Variants in DPP10 observed in about 807,000 individuals in gnomAD.
DPP10 encodes the protein dipeptidyl peptidase like 10.
A neutral mutation model predicts 120.9 loss-of-function variants in DPP10; 33 were observed. The ratio of observed to expected loss-of-function variants is 0.27; its 90% CI spans 0.21 to 0.37. The LOEUF is 0.37. Among genes scored for constraint, DPP10 ranks in the 10% least tolerant of loss-of-function variants. The pLI is 1.00. For synonymous variants in DPP10, 337 were observed against 326.1 expected (o/e 1.03, Z -0.36); for missense variants, 816 against 942.8 (o/e 0.87, Z 1.76).
intron 7 of DPP10, among the ~76,000 whole-genome samples, chr2:115,692,511 T>C (rs2091372704): frequency 6.6e-6 from 1 of 152,086 alleles, no homozygotes. Context: ...TACATCTTTC[T>C]ATTGAATTCA....
chr2:114,788,158 ATAAT>A (rs1322977981), intron 1 of DPP10, among the ~76,000 whole-genome samples: 3 of 152,180 alleles, frequency 2.0e-5, no homozygotes, highest in Non-Finnish European at 2.9e-5. Flanking sequence ...TGCATGTACT[ATAAT>A]TAAATTGAAC....
At chr2:115,039,820 C>A (rs7568002) in intron 1 of DPP10, among the ~76,000 whole-genome samples, 22,146 of 152,070 alleles carry the variant, frequency 0.15, 1,716 homozygotes, top group African/African-American at 0.21. Context: ...GCCATCAAGT[C>A]GTCTGCCTGC....
intron 1 of DPP10, among the ~76,000 whole-genome samples, chr2:114,899,371 A>T (rs946403190): frequency 1.3e-5 from 2 of 152,164 alleles, no homozygotes; most frequent in East Asian, 1.9e-4. Context: ...TTGGATACTA[A>T]ATAAACTGTT....
intron 1 of DPP10, among the ~76,000 whole-genome samples, chr2:115,220,195 G>C (rs1189030120): frequency 6.6e-6 from 1 of 152,072 alleles, no homozygotes; most frequent in Non-Finnish European, 1.5e-5. Flanking sequence ...CTACACCAAA[G>C]TCTATGCTCT....
intron 3 of DPP10, among the ~76,000 whole-genome samples, chr2:115,422,116 C>T (rs1043319080): frequency 6.6e-6 from 1 of 151,950 alleles, no homozygotes; most frequent in Non-Finnish European, 1.5e-5. Context: ...CAAATGGATT[C>T]GAGAGGGAAA....
At chr2:115,242,946 G>GTA (rs1424338134) in intron 1 of DPP10, among the ~76,000 whole-genome samples, 2 of 152,082 alleles carry the variant, frequency 1.3e-5, no homozygotes, top group Admixed American at 1.3e-4. Flanking sequence ...TATTGCTTAT[G>GTA]TAAACCTTTA....
At chr2:115,369,406 T>C (rs2065265225) in intron 3 of DPP10, among the ~76,000 whole-genome samples, 1 of 152,076 alleles carries the variant, frequency 6.6e-6, no homozygotes, top group African/African-American at 2.4e-5. Flanking sequence ...TGTAAAAACT[T>C]TTACACGAAT....
chr2:114,654,071 T>C (rs1413399537), intron 1 of DPP10, among the ~76,000 whole-genome samples: 1 of 152,152 alleles, frequency 6.6e-6, no homozygotes, highest in Non-Finnish European at 1.5e-5. Context: ...CTTTTTTCTC[T>C]CAAATATTAT....
chr2:115,748,464 A>C (rs1443874720), intron 10 of DPP10, among the ~76,000 whole-genome samples: 3 of 152,090 alleles, frequency 2.0e-5, no homozygotes, highest in Non-Finnish European at 4.4e-5. Context: ...AATTGAATAC[A>C]TATATGATTA....
At chr2:115,270,109 C>G (rs866840362) in intron 1 of DPP10, among the ~76,000 whole-genome samples, 1 of 140,374 alleles carries the variant, frequency 7.1e-6, no homozygotes. Flanking sequence ...CACACACACA[C>G]ACACAGACAC....
chr2:115,507,354 G>A (rs2077002540), intron 4 of DPP10, among the ~76,000 whole-genome samples: 1 of 152,106 alleles, frequency 6.6e-6, no homozygotes, highest in South Asian at 2.1e-4. Context: ...AGCAAGACAA[G>A]TTTGTCAGAC....
chr2:115,791,212 AC>A lies in DPP10; in HGVS notation c.1630+34del, dbSNP rs778492936. ...TTTGTGCATGCTATGTTATTCAAGA[AC>A]AACTTTCTCTGCGTCTTATAGTTTT... On this transcript the variant is annotated intron_variant, in intron 18 of 25. Coordinates refer to ENST00000410059, the MANE Select transcript of DPP10 (RefSeq NM_020868.6). 6 of 1,607,544 alleles carry A rather than the reference AC, an allele frequency of 3.7e-6. No individual in the cohort carries two copies. In the African/African-American group the frequency reaches 6.7e-5, roughly 18 times the overall value.
Position 115,814,996 on chromosome 2 carries a change from A to T in DPP10, c.1895+9A>T. 1 of 1,578,756 alleles carries T rather than the reference A, an allele frequency of 6.3e-7. No homozygotes were observed. Among genetic ancestry groups the T allele is most frequent in the African/African-American group, 1.3e-5 (1 of 74,636 alleles). On this transcript the variant is annotated intron_variant, in intron 20 of 25. Coordinates refer to ENST00000410059, the MANE Select transcript of DPP10 (RefSeq NM_020868.6). ...CAAATAACAGCTGTGAAGTAAGTGG[A>T]TGCACATTTTTCTTCTCTGTTTTCT...
At chr2:115,131,575 T>C (rs541207616) in intron 1 of DPP10, among the ~76,000 whole-genome samples, 15 of 151,736 alleles carry the variant, frequency 9.9e-5, no homozygotes, top group Non-Finnish European at 8.8e-5. Context: ...AAAAAGAAAA[T>C]ATAGCAGTCC....
chr2:114,576,135 G>T (rs1255884626), intron 1 of DPP10, among the ~76,000 whole-genome samples: 4 of 152,160 alleles, frequency 2.6e-5, no homozygotes, highest in Non-Finnish European at 5.9e-5. Flanking sequence ...AGATGGTGGT[G>T]GTGGGATATC....
intron 1 of DPP10, among the ~76,000 whole-genome samples, chr2:115,286,449 C>CTCCA (rs1423857452): frequency 7.7e-6 from 1 of 130,340 alleles, no homozygotes; most frequent in South Asian, 2.4e-4. Context: ...GTCAGGTAGA[C>CTCCA]TCCAGAGTTT....
At chr2:115,207,289 C>A (rs2056197654) in intron 1 of DPP10, among the ~76,000 whole-genome samples, 1 of 151,968 alleles carries the variant, frequency 6.6e-6, no homozygotes, top group Non-Finnish European at 1.5e-5. Context: ...TTGTTTTCCT[C>A]CAACAGTCTT....
intron 1 of DPP10, among the ~76,000 whole-genome samples, chr2:114,469,507 G>A (rs528224983): frequency 1.3e-5 from 2 of 152,230 alleles, no homozygotes; most frequent in East Asian, 3.9e-4. Context: ...GAGGCAGGCA[G>A]ATAACCATAC....
At chr2:115,589,029 A>G (rs920468481) in intron 5 of DPP10, among the ~76,000 whole-genome samples, 1 of 152,214 alleles carries the variant, frequency 6.6e-6, no homozygotes, top group Non-Finnish European at 1.5e-5. Flanking sequence ...AATATAAAAT[A>G]TTAAAGAGTA....
Sources: allele counts gnomAD v4.1 joint callset (sites outside exome capture counted in the v4.1 genomes callset), GRCh38; gene constraint gnomAD v4.1.1; transcripts MANE v1.5; gene names NCBI Gene and HGNC (gene_info 2026-07-23, HGNC 2026-07-21).